The following PNOC variants were observed in gnomAD, a reference collection of about 807,000 sequenced individuals.
The protein encoded by PNOC is nociceptin.
PNOC carries 10 observed loss-of-function variants against 15.6 expected under a neutral mutation model. That is an observed-to-expected ratio of 0.64 (90% confidence interval 0.40 to 1.09). The LOEUF is 1.09. PNOC is among the 50% of genes least tolerant of loss of function. PNOC has a pLI of 0.01. For missense variants in PNOC, 220 were observed against 223.9 expected (o/e 0.98, Z 0.11); for synonymous variants, 98 against 88.5 (o/e 1.11, Z -0.60).
chr8:28,327,406 G>A (rs1361419364), intron 1 of PNOC, among the ~76,000 whole-genome samples: 2 of 152,094 alleles, frequency 1.3e-5, no homozygotes, highest in South Asian at 2.1e-4. Context: ...TTCTTTGTTC[G>A]GTTTTAAATA....
intron 2 of PNOC, among the ~76,000 whole-genome samples, chr8:28,330,399 T>TTATTTTATTTTATTTTATTTTATTTTA: frequency 9.6e-6 from 1 of 104,140 alleles, no homozygotes; most frequent in Middle Eastern, 4.5e-3. Flanking sequence ...TTATTTTATT[T>TTATTTTATTTTATTTTATTTTATTTTA]TTTTTTTTTT....
chr8:28,333,904 C>T (rs1563329714), intron 2 of PNOC, among the ~76,000 whole-genome samples: 1 of 152,336 alleles, frequency 6.6e-6, no homozygotes, highest in East Asian at 1.9e-4. Context: ...GCTAGCCACA[C>T]TTCTCTGCAT....
chr8:28,332,633 A>G (rs1054610293), intron 2 of PNOC, among the ~76,000 whole-genome samples: 3 of 152,162 alleles, frequency 2.0e-5, no homozygotes, highest in African/African-American at 7.2e-5. Flanking sequence ...CCCAAGAAAG[A>G]GTGTGGGGAA....
At chr8:28,336,365 A>G (rs1585838529) in intron 2 of PNOC, among the ~76,000 whole-genome samples, 3 of 152,246 alleles carry the variant, frequency 2.0e-5, no homozygotes, top group Admixed American at 2.0e-4. Flanking sequence ...CAGAGGCAGG[A>G]GAGAGTGATT....
Position 28,339,292 on chromosome 8 carries a change from C to G in PNOC, c.379C>G (p.Gln127Glu), listed in dbSNP as rs1346967710. 6.2e-7 allele frequency: 1 copy of G among 1,611,400 alleles called. No homozygotes were observed. The highest frequency in any genetic ancestry group is 1.3e-5 in the African/African-American group (1 of 74,876). The change falls in exon 3 of 4, where the codon CAG becomes GAG. Residue 127 changes from glutamine (Q) to glutamate (E), a missense_variant. Physicochemically the swap from Gln to Glu is conservative, Grantham distance 29 (BLOSUM62 2). Coordinates refer to ENST00000301908, the MANE Select transcript of PNOC (RefSeq NM_006228.5). ...TGGTGAGATGGAGCAGAAGCAGCTG[C>G]AGAAGAGATTTGGGGGCTTCACCGG... is the stretch of plus-strand genomic sequence containing the variant. The part of the protein sequence containing the change: ...EAGEMEQKQL[Q>E]KRFGGFTGAR...
rs1256874328 is a variant in PNOC at position 28,318,060 on chromosome 8, C to T, written c.-24+744C>T. The stretch of plus-strand genomic sequence containing the variant: ...CCTCTCCCCCTGCCCATCTCCCCCA[C>T]CTAAAGGTCTTTGCCCAGGTCATGC... On this transcript the variant is annotated intron_variant, in intron 1 of 3. Transcript: ENST00000301908. 2.0e-5 allele frequency among the ~76,000 whole-genome samples: 3 copies of T among 152,246 alleles called. No homozygotes were observed. In the East Asian group the frequency reaches 5.8e-4, roughly 29 times the overall value.
rs1431540071 is a variant in PNOC, at chr8:28,330,400, T to TATTTTTTTTTTTTTATTTA, written c.126+1117_126+1118insATTTTTTTTTTTTTATTTA. 3.9e-5 allele frequency among the ~76,000 whole-genome samples: 4 copies of TATTTTTTTTTTTTTATTTA among 102,246 alleles called. No individual in the cohort carries two copies. The East Asian group carries it at 9.7e-4, about 25-fold the overall frequency. The allele number at this position is 102,246 out of a possible 152,430, so 67.1% of individuals were successfully genotyped here. On this transcript the variant is annotated intron_variant, in intron 2 of 3. Coordinates refer to ENST00000301908, the MANE Select transcript of PNOC (RefSeq NM_006228.5). ...TATTTTATTTTATTTTATTTTATTT[T>TATTTTTTTTTTTTTATTTA]TTTTTTTTTTTTGAGACGGAGTCTT...
intron 1 of PNOC, among the ~76,000 whole-genome samples, chr8:28,319,513 C>T (rs1801112581): frequency 6.6e-6 from 1 of 152,150 alleles, no homozygotes; most frequent in African/African-American, 2.4e-5. Flanking sequence ...AGGTCAAACA[C>T]ATAAAATGAG....
At chr8:28,325,637 G>T (rs1180840705) in intron 1 of PNOC, among the ~76,000 whole-genome samples, 1 of 136,604 alleles carries the variant, frequency 7.3e-6, no homozygotes, top group Non-Finnish European at 1.5e-5. Context: ...GGGCGACAGA[G>T]TGAGACTCTG....
chr8:28,338,534 C>G (rs1801453324), intron 2 of PNOC: 2 of 927,054 alleles, frequency 2.2e-6, no homozygotes, highest in Non-Finnish European at 1.3e-6. Flanking sequence ...GAAAAATTAA[C>G]AACACCTAGG....
chr8:28,323,417 A>G (rs1801177722), intron 1 of PNOC, among the ~76,000 whole-genome samples: 2 of 152,258 alleles, frequency 1.3e-5, no homozygotes, highest in Non-Finnish European at 2.9e-5. Flanking sequence ...GATGTTTGCT[A>G]TGGTTGTATA....
At chr8:28,329,086 G>GC in intron 1 of PNOC, 49 bp from the exon 2 acceptor site, 4 of 1,584,146 alleles carry the variant, frequency 2.5e-6, no homozygotes, top group Non-Finnish European at 2.6e-6. Flanking sequence ...GCCCTGAGCA[G>GC]CCCTCCGAGA....
In PNOC at chr8:28,339,351, G is replaced by A. The variant is rs1330527059; in HGVS notation, c.438G>A (p.Gln146=). Residue 146 remains glutamine, a synonymous_variant, in exon 3 of 4, where the codon CAG becomes CAA. Transcript: ENST00000301908. ...AGTCGGCCAGGAAGTTGGCCAATCA[G>A]AAGCGGTTCAGTGAGTTTATGAGGC... ...ARKSARKLAN[Q]KRFSEFMRQY... The A allele has an allele frequency of 2.1e-5, 34 of 1,610,366 alleles. No individual in the cohort carries two copies. Among genetic ancestry groups the A allele is most frequent in the Non-Finnish European group, 2.4e-5 (28 of 1,177,648 alleles).
intron 1 of PNOC, among the ~76,000 whole-genome samples, chr8:28,328,537 T>C (rs1166107261): frequency 1.3e-5 from 2 of 152,126 alleles, no homozygotes; most frequent in Admixed American, 1.3e-4. Flanking sequence ...TTGGGGGCAT[T>C]CCTGGCTGCA....
At chr8:28,319,026 A>G (rs994739603) in intron 1 of PNOC, among the ~76,000 whole-genome samples, 2 of 152,158 alleles carry the variant, frequency 1.3e-5, no homozygotes, top group South Asian at 2.1e-4. Context: ...GGAGGCTTGC[A>G]GGGGCTCTAG....
Position 28,339,218 on chromosome 8 carries a change from G to T in PNOC, c.305G>T (p.Arg102Leu). The change falls in exon 3 of 4, where the codon CGG (arginine) becomes CTG (leucine). Residue 102 changes from arginine to leucine, a missense_variant. Transcript: ENST00000301908. ...MQHLRRMPRV[R>L]SLFQEQEEPE... is the part of the protein sequence containing the mutation. ...CATCTGCGGCGAATGCCCCGAGTCCGGAGCTTGTTCCAGGAGCAGGAAGAG... is the reference window on the plus strand; with the variant it reads ...CATCTGCGGCGAATGCCCCGAGTCCTGAGCTTGTTCCAGGAGCAGGAAGAG... 6.2e-7 allele frequency: 1 copy of T among 1,612,486 alleles called. No homozygotes were observed. Among genetic ancestry groups the T allele is most frequent in the Non-Finnish European group, 8.5e-7 (1 of 1,178,588 alleles).
At chr8:28,325,521 T>G (rs971334639) in intron 1 of PNOC, among the ~76,000 whole-genome samples, 1 of 151,544 alleles carries the variant, frequency 6.6e-6, no homozygotes, top group Non-Finnish European at 1.5e-5. Context: ...GATGTGGTGG[T>G]GTGCACCTGT....
At chr8:28,328,775 G>A (rs1396392689) in intron 1 of PNOC, among the ~76,000 whole-genome samples, 3 of 152,070 alleles carry the variant, frequency 2.0e-5, no homozygotes, top group Admixed American at 6.6e-5. Flanking sequence ...ACTGCAAAGC[G>A]ATGCCTTTAG....
intron 1 of PNOC, among the ~76,000 whole-genome samples, chr8:28,324,194 C>T (rs922074230): frequency 6.6e-6 from 1 of 152,216 alleles, no homozygotes; most frequent in African/African-American, 2.4e-5. Flanking sequence ...TCAAATGGAA[C>T]ATGTACTACG....
Sources: allele counts gnomAD v4.1 joint callset (sites outside exome capture counted in the v4.1 genomes callset), GRCh38; gene constraint gnomAD v4.1.1; transcripts MANE v1.5; gene names NCBI Gene and HGNC (gene_info 2026-07-23, HGNC 2026-07-21).